Variants in SATB2 observed in about 807,000 individuals in gnomAD.
SATB2 encodes DNA-binding protein SATB2.
A neutral mutation model predicts 73.4 loss-of-function variants in SATB2; 1 was observed. That is an observed-to-expected ratio of 0.01 (90% CI 0.00 to 0.06). The LOEUF (loss-of-function observed/expected upper bound fraction) is 0.06, where lower values mean the gene tolerates loss of function less well. Among genes scored for constraint, SATB2 ranks in the 10% least tolerant of loss-of-function variants. The probability of loss-of-function intolerance (pLI) is 1.00; values close to 1 mark genes in which losing one functional copy is unlikely to be tolerated. For missense variants in SATB2, 459 were observed against 945.8 expected, an observed-to-expected ratio of 0.49 and a Z score of 6.75; for synonymous variants, 397 against 367.0, an observed-to-expected ratio of 1.08 and a Z score of -0.93.
In SATB2 at chr2:199,455,832, G is replaced by C. The variant is rs1200796334; in HGVS notation, c.169+37C>G. 1 of 1,533,116 alleles carries C rather than the reference G, an allele frequency of 6.5e-7. No individual in the cohort carries two copies. Among genetic ancestry groups the C allele is most frequent in the East Asian group, 2.4e-5 (1 of 40,946 alleles). 95.0% of individuals were successfully genotyped at this position (1,533,116 alleles called of 1,614,324 possible). A position where few individuals can be genotyped will look rare whatever the true frequency, so the allele number is the denominator to read the frequency against. On this transcript the variant is annotated intron_variant, in intron 2 of 10. Coordinates refer to ENST00000417098, the MANE Select transcript of SATB2 (RefSeq NM_001172509.2). The surrounding 1 kb of genome is among the most constrained non-coding windows in gnomAD (Gnocchi z 4.1). ...CTGACACCCGGGCCATTATCACTGG[G>C]CCGCGGGCTGCGCGCCTCCCTGCTC...
intron 3 of SATB2, among the ~76,000 whole-genome samples, chr2:199,399,047 G>A (rs1353632102): frequency 6.6e-6 from 1 of 152,162 alleles, no homozygotes; most frequent in Non-Finnish European, 1.5e-5. Context: ...AAGGTGGGCA[G>A]GTCGCTTAAG....
intron 9 of SATB2, among the ~76,000 whole-genome samples, chr2:199,317,758 C>T (rs903138381): frequency 1.3e-5 from 2 of 151,886 alleles, no homozygotes; most frequent in African/African-American, 4.8e-5. Context: ...GATTCCTTCA[C>T]TAGAATCTGA....
intron 6 of SATB2, among the ~76,000 whole-genome samples, chr2:199,355,321 T>C (rs1449763077): frequency 2.9e-5 from 3 of 102,862 alleles, no homozygotes; most frequent in Middle Eastern, 4.2e-3. Context: ...TATATACATA[T>C]GTATGTGTGT....
chr2:199,331,573 G>A (rs911104240), intron 7 of SATB2, among the ~76,000 whole-genome samples: 7 of 152,118 alleles, frequency 4.6e-5, no homozygotes, highest in Admixed American at 4.6e-4. Flanking sequence ...TTTCACCTCA[G>A]ACATTTTCAA....
intron 3 of SATB2, among the ~76,000 whole-genome samples, chr2:199,415,491 TAAG>T (rs975442485): frequency 5.3e-5 from 8 of 152,344 alleles, no homozygotes; most frequent in South Asian, 4.1e-4. Flanking sequence ...TGTATTGCTA[TAAG>T]AAGAATTTAA....
At chr2:199,458,598 G>T, upstream of SATB2, 1 of 431,720 alleles carries the variant, frequency 2.3e-6, no homozygotes, top group Non-Finnish European at 4.6e-6. Context: ...GTCCCGGCGC[G>T]GAGGCGGCGG....
intron 7 of SATB2, among the ~76,000 whole-genome samples, chr2:199,345,171 C>G (rs1046095516): frequency 6.6e-6 from 1 of 152,086 alleles, no homozygotes; most frequent in African/African-American, 2.4e-5. Flanking sequence ...CTCCCCTTCT[C>G]TCCCCTGACT....
intron 3 of SATB2, among the ~76,000 whole-genome samples, chr2:199,426,253 C>T (rs926609722): frequency 6.6e-6 from 1 of 152,080 alleles, no homozygotes; most frequent in Non-Finnish European, 1.5e-5. Context: ...GAAAGCAAGA[C>T]AAGATTAAAC....
chr2:199,363,959 G>C (rs1689212024), intron 6 of SATB2, among the ~76,000 whole-genome samples: 1 of 152,130 alleles, frequency 6.6e-6, no homozygotes, highest in Non-Finnish European at 1.5e-5. Flanking sequence ...GAAAAATTAG[G>C]TAGACAAAAG....
At chr2:199,378,913 A>G (rs909741093) in intron 5 of SATB2, among the ~76,000 whole-genome samples, 1 of 152,226 alleles carries the variant, frequency 6.6e-6, no homozygotes, top group African/African-American at 2.4e-5. Flanking sequence ...CCCTGATTCC[A>G]GGATACATGC....
intron 3 of SATB2, among the ~76,000 whole-genome samples, chr2:199,408,679 CA>C (rs11306098): frequency 0.97 from 130,862 of 135,306 alleles, 63,217 homozygotes; most frequent in South Asian, 0.98. Flanking sequence ...GTTTAGTCCA[CA>C]AAAAAAAAAA....
intron 10 of SATB2, among the ~76,000 whole-genome samples, chr2:199,287,278 G>C (rs752696768): frequency 3.4e-4 from 52 of 152,022 alleles, no homozygotes; most frequent in Non-Finnish European, 6.6e-4. Context: ...GACCACTTCA[G>C]ATAAATACAT....
chr2:199,404,616 T>C (rs1374359), intron 3 of SATB2, among the ~76,000 whole-genome samples: 124,520 of 152,090 alleles, frequency 0.82, 51,727 homozygotes, highest in Non-Finnish European at 0.88. Flanking sequence ...TGCTTTAATG[T>C]TATGTGTCTT....
At position 199,455,975 on chromosome 2, in the gene SATB2, C is replaced by T. The variant is rs2105957272; in HGVS notation, c.63G>A (p.Pro21=). The T allele has an allele frequency of 1.3e-6, 2 of 1,539,476 alleles. No individual in the cohort carries two copies. Among genetic ancestry groups the T allele is most frequent in the Non-Finnish European group, 1.7e-6 (2 of 1,147,720 alleles). Residue 21 remains proline, a synonymous_variant, in exon 2 of 11, where the codon CCG becomes CCA. Coordinates refer to ENST00000417098, the MANE Select transcript of SATB2 (RefSeq NM_001172509.2). This position sits in a 1 kb window ranked among gnomAD's most constrained non-coding sequence, Gnocchi z 4.1. ...RDSPDRRSGS[P]DVKGPPPVKV... ...TCACTGGGGGAGGCCCCTTGACGTC[C>T]GGGCTGCCGCTCCGCCGGTCGGGGC...
intron 2 of SATB2, among the ~76,000 whole-genome samples, chr2:199,439,933 C>T (rs1574631393): frequency 6.6e-6 from 1 of 151,964 alleles, no homozygotes; most frequent in African/African-American, 2.4e-5. Flanking sequence ...GTGAGACCCC[C>T]GTATCTACTA....
intron 10 of SATB2, among the ~76,000 whole-genome samples, chr2:199,293,289 A>G (rs1044724854): frequency 2.6e-5 from 4 of 152,210 alleles, no homozygotes; most frequent in Non-Finnish European, 5.9e-5. Flanking sequence ...ACCAAACATA[A>G]TTCATTCCAT....
intron 10 of SATB2, among the ~76,000 whole-genome samples, chr2:199,282,142 A>T (rs1342655966): frequency 6.6e-6 from 1 of 152,120 alleles, no homozygotes; most frequent in Non-Finnish European, 1.5e-5. Context: ...TGGCCTCCCA[A>T]AGTGCTGGGA....
At chr2:199,384,866 T>A (rs917603491) in intron 3 of SATB2, among the ~76,000 whole-genome samples, 2 of 152,236 alleles carry the variant, frequency 1.3e-5, no homozygotes, top group African/African-American at 4.8e-5. Flanking sequence ...ATTTAGTCAT[T>A]CTTTTGACCT....
intron 7 of SATB2, among the ~76,000 whole-genome samples, chr2:199,329,872 A>T (rs1218698623): frequency 6.6e-6 from 1 of 152,176 alleles, no homozygotes; most frequent in Non-Finnish European, 1.5e-5. Flanking sequence ...GTCTATTTCC[A>T]TTCTGCACAC....
Sources: allele counts gnomAD v4.1 joint callset (sites outside exome capture counted in the v4.1 genomes callset), GRCh38; gene constraint gnomAD v4.1.1; non-coding constraint Gnocchi (gnomAD v3.1); transcripts MANE v1.5; gene names NCBI Gene and HGNC (gene_info 2026-07-23, HGNC 2026-07-21).